GOLT1B: variants seen among roughly 807,000 people sequenced by gnomAD.
GOLT1B encodes vesicle transport protein GOT1B.
GOLT1B carries 3 observed loss-of-function variants against 15.4 expected under a neutral mutation model. The observed-to-expected ratio is 0.19, with a 90% CI of 0.09 to 0.50. The LOEUF is 0.50. Ranked by LOEUF, GOLT1B falls within the 20% of genes least tolerant of loss-of-function variation. The probability of loss-of-function intolerance (pLI) is 0.97; values close to 1 mark genes in which losing one functional copy is unlikely to be tolerated. For missense variants in GOLT1B, 145 were observed against 160.4 expected, an observed-to-expected ratio of 0.90 and a Z score of 0.52; for synonymous variants, 65 against 56.2, an observed-to-expected ratio of 1.16 and a Z score of -0.70.
At chr12:21,507,758 G>C (rs1186648856) in intron 2 of GOLT1B, among the ~76,000 whole-genome samples, 2 of 152,132 alleles carry the variant, frequency 1.3e-5, no homozygotes, top group Non-Finnish European at 2.9e-5. Flanking sequence ...CCTGGGGAAA[G>C]CAAGCTCTTA....
chr12:21,509,553 C>G (rs1943705319), intron 3 of GOLT1B, among the ~76,000 whole-genome samples: 1 of 152,042 alleles, frequency 6.6e-6, no homozygotes, highest in African/African-American at 2.4e-5. Flanking sequence ...AGTACCAAAT[C>G]TGCTTTAGAA....
At chr12:21,503,737 G>A (rs1943658199) in intron 1 of GOLT1B, among the ~76,000 whole-genome samples, 1 of 152,154 alleles carries the variant, frequency 6.6e-6, no homozygotes, top group South Asian at 2.1e-4. Context: ...TTAACTGCAG[G>A]GATTGGCCAT....
intron 1 of GOLT1B, 55 bp downstream of exon 1, chr12:21,502,003 TG>T: frequency 7.5e-7 from 1 of 1,333,636 alleles, no homozygotes; most frequent in Non-Finnish European, 1.1e-6. Flanking sequence ...ATCGCCCGGC[TG>T]GGTCTCGCCC....
chr12:21,515,564 T>G (rs1310241786), intron 4 of GOLT1B, 105 bp from the exon 5 acceptor site: 1 of 695,910 alleles, frequency 1.4e-6, no homozygotes, highest in Non-Finnish European at 2.5e-6. Flanking sequence ...TTTCCACAAC[T>G]CTTCTTGTAA....
chr12:21,506,543 G>C (rs1195346696), intron 1 of GOLT1B, among the ~76,000 whole-genome samples: 1 of 152,014 alleles, frequency 6.6e-6, no homozygotes, highest in Non-Finnish European at 1.5e-5. Context: ...ATACATTTAT[G>C]TCTGATGCGA....
chr12:21,514,715 A>G (rs754775364), intron 4 of GOLT1B, among the ~76,000 whole-genome samples: 4 of 152,192 alleles, frequency 2.6e-5, no homozygotes, highest in Non-Finnish European at 4.4e-5. Context: ...TGGCTTTTGA[A>G]TGTACTGAAA....
At chr12:21,513,838 A>G (rs1451057637) in intron 4 of GOLT1B, among the ~76,000 whole-genome samples, 1 of 152,198 alleles carries the variant, frequency 6.6e-6, no homozygotes, top group Non-Finnish European at 1.5e-5. Flanking sequence ...AAAGGGAGGC[A>G]CTTCCATGTA....
intron 2 of GOLT1B, 96 bp from the exon 3 acceptor site, chr12:21,508,287 G>T (rs1299445630): frequency 6.6e-6 from 5 of 753,716 alleles, no homozygotes; most frequent in Non-Finnish European, 1.1e-5. Context: ...CCAAACAAAT[G>T]TGCTTCTTTT....
In GOLT1B at chr12:21,512,280, T is replaced by A. The variant is rs1386294207; in HGVS notation, c.297-15T>A. 7.3e-7 allele frequency: 1 copy of A among 1,364,480 alleles called. No individual in the cohort carries two copies. The highest frequency in any genetic ancestry group is 1.0e-6 in the Non-Finnish European group (1 of 964,728). The allele number at this position is 1,364,480 out of a possible 1,614,324, so 84.5% of individuals were successfully genotyped here. ...AATGTGTAAATATTAAGAACCTTTT[T>A]TTTCCCTCTCCCAGGGGCTTCTTTC... On this transcript the variant is annotated splice_polypyrimidine_tract_variant and intron_variant, in intron 3 of 4. Coordinates refer to ENST00000229314, the MANE Select transcript of GOLT1B (RefSeq NM_016072.5).
chr12:21,509,145 T>G (rs1480968573), intron 3 of GOLT1B, among the ~76,000 whole-genome samples: 1 of 152,032 alleles, frequency 6.6e-6, no homozygotes, highest in Non-Finnish European at 1.5e-5. Context: ...ACACCTGTAA[T>G]CCCAGCACTT....
At chr12:21,504,902 C>T (rs1943668628) in intron 1 of GOLT1B, among the ~76,000 whole-genome samples, 1 of 152,130 alleles carries the variant, frequency 6.6e-6, no homozygotes, top group South Asian at 2.1e-4. Flanking sequence ...CAGAATACTC[C>T]AGTGTCCTTG....
chr12:21,509,442 T>G (rs1565582070), intron 3 of GOLT1B, among the ~76,000 whole-genome samples: 1 of 148,352 alleles, frequency 6.7e-6, no homozygotes. Context: ...GAAAATAACT[T>G]TAAGTAGGGT....
In GOLT1B at chr12:21,508,553, C is replaced by G. The variant is rs769552575; in HGVS notation, c.288C>G (p.Leu96=). 28 of 1,533,636 alleles carry G rather than the reference C, an allele frequency of 1.8e-5. No homozygotes were observed. The highest frequency in any genetic ancestry group is 2.4e-5 in the Non-Finnish European group (27 of 1,109,914). Residue 96 remains leucine (L), a synonymous_variant, in exon 3 of 5, where the codon CTC becomes CTG. Transcript: ENST00000229314. ...GMIFEIYGFF[L]LFRGFFPVVV... ...TCTTCGAAATTTATGGATTTTTTCT[C>G]TTGTTCAGGTAAGGCATATTATTGT... is the stretch of plus-strand genomic sequence containing the variant.
At chr12:21,504,036 G>A (rs951529280) in intron 1 of GOLT1B, among the ~76,000 whole-genome samples, 1 of 152,166 alleles carries the variant, frequency 6.6e-6, no homozygotes, top group Non-Finnish European at 1.5e-5. Context: ...AAAGGGTATG[G>A]TAAGAGAGAC....
At chr12:21,512,905 C>A (rs765864131) in intron 4 of GOLT1B, among the ~76,000 whole-genome samples, 62 of 151,674 alleles carry the variant, frequency 4.1e-4, no homozygotes, top group Admixed American at 2.0e-3. Flanking sequence ...TCTCTACCCC[C>A]GCAAATACAA....
chr12:21,515,971 G>C lies in GOLT1B; in HGVS notation c.*264G>C, dbSNP rs951172953. On this transcript the variant is annotated 3_prime_UTR_variant, in exon 5 of 5. Coordinates refer to ENST00000229314, the MANE Select transcript of GOLT1B (RefSeq NM_016072.5). ...AATGATGCTTAAGAAACTCTTGAAG[G>C]CTATTTGTGTTGTTTTTCCACAATG... 5.5e-5 allele frequency: 19 copies of C among 343,954 alleles called. 1 individual carries two copies. Among genetic ancestry groups the C allele is most frequent in the Non-Finnish European group, 9.8e-5 (19 of 192,966 alleles). The allele number at this position is 343,954 out of a possible 1,614,324, so 21.3% of individuals were successfully genotyped here. A position where few individuals can be genotyped will look rare whatever the true frequency, so the allele number is the denominator to read the frequency against.
chr12:21,512,264 A>T (rs1229091841), intron 3 of GOLT1B, 31 bp from the exon 4 acceptor site: 3 of 1,068,928 alleles, frequency 2.8e-6, no homozygotes, highest in Non-Finnish European at 4.3e-6. Flanking sequence ...AAATGTGTAA[A>T]TATTAAGAAC....
chr12:21,509,674 T>G (rs1163436679), intron 3 of GOLT1B, among the ~76,000 whole-genome samples: 1 of 152,144 alleles, frequency 6.6e-6, no homozygotes, highest in African/African-American at 2.4e-5. Context: ...ATTAAAAAAT[T>G]AGTAAATTCA....
At chr12:21,514,789 A>T (rs1007482688) in intron 4 of GOLT1B, among the ~76,000 whole-genome samples, 1 of 152,190 alleles carries the variant, frequency 6.6e-6, no homozygotes, top group Non-Finnish European at 1.5e-5. Flanking sequence ...AAGAATTTGC[A>T]TAAATGGACA....
Sources: gnomAD v4.1 joint callset for allele counts (sites outside exome capture counted in the v4.1 genomes callset) on GRCh38, gnomAD v4.1.1 for gene constraint, MANE v1.5 for transcripts, NCBI Gene and HGNC (gene_info 2026-07-23, HGNC 2026-07-21) for gene names.